Variants in RABL6 observed in about 807,000 individuals in gnomAD.
RABL6 encodes rab-like protein 6.
In RABL6, 28 loss-of-function variants were observed where a neutral mutation model predicts 72.9. That is an observed-to-expected ratio of 0.38 (90% CI 0.28 to 0.53). The LOEUF (loss-of-function observed/expected upper bound fraction) is 0.53. RABL6 is among the 20% of genes least tolerant of loss of function. The pLI, the probability that RABL6 is intolerant of heterozygous loss-of-function variation, is 0.80. For synonymous variants in RABL6, 477 were observed against 421.2 expected, an observed-to-expected ratio of 1.13 and a Z score of -1.62; for missense variants, 1,029 against 1,008.4, an observed-to-expected ratio of 1.02 and a Z score of -0.28.
chr9:136,821,245 G>A, intron 1 of RABL6: 1 of 861,580 alleles, frequency 1.2e-6, no homozygotes, highest in South Asian at 5.3e-5. Flanking sequence ...CGGGGACCAA[G>A]GGACGTCAGC....
At chr9:136,813,214 C>T in intron 1 of RABL6, 1 of 520,836 alleles carries the variant, frequency 1.9e-6, no homozygotes, top group South Asian at 1.7e-5. Context: ...TTGCCCTGCC[C>T]CCAGTTTCCC....
In RABL6 at chr9:136,840,598, A is replaced by C; in HGVS notation, c.*76A>C. ...CTGGGGAGGCATTTGCCTCTGTACC[A>C]TCGCCTTTGCCGCTGCCCCGTGGCT... On this transcript the variant is annotated 3_prime_UTR_variant, in exon 15 of 15. Transcript: ENST00000311502. 3 of 1,549,502 alleles carry C rather than the reference A, an allele frequency of 1.9e-6. No homozygotes were observed. The highest frequency in any genetic ancestry group is 2.6e-6 in the Non-Finnish European group (3 of 1,146,828).
At chr9:136,821,916 G>T in intron 1 of RABL6, 1 of 1,285,806 alleles carries the variant, frequency 7.8e-7, no homozygotes, top group Non-Finnish European at 1.0e-6. Flanking sequence ...GAGGGCGCCT[G>T]GGTCCCCTCT....
At chr9:136,822,330 G>C (rs929020998) in intron 1 of RABL6, among the ~76,000 whole-genome samples, 3 of 152,102 alleles carry the variant, frequency 2.0e-5, no homozygotes, top group Non-Finnish European at 4.4e-5. Context: ...CCACCAACCC[G>C]GCTCCCTTCC....
At chr9:136,839,160 CG>C (rs1460902298) in intron 11 of RABL6, 39 bp downstream of exon 11, 2 of 1,605,588 alleles carry the variant, frequency 1.2e-6, no homozygotes, top group African/African-American at 2.7e-5. Context: ...CCTGGAGACC[CG>C]GGTGGGGCAG....
Position 136,831,808 on chromosome 9 carries a change from G to A in RABL6, c.546G>A (p.Glu182=). ...CVLGNYRDMG[E]HRVILPDDVR... ...TGGGAAACTACCGGGACATGGGCGA[G>A]CACCGAGTCATCCTGCCGGACGACG... The change falls in exon 6 of 15, where the codon GAG becomes GAA. Residue 182 remains glutamate (E), a synonymous_variant. Transcript: ENST00000311502. The A allele has an allele frequency of 6.2e-7, 1 of 1,613,214 alleles. No homozygotes were observed. The highest frequency in any genetic ancestry group is 8.5e-7 in the Non-Finnish European group (1 of 1,179,778).
chr9:136,819,430 A>C (rs1848194422), intron 1 of RABL6, among the ~76,000 whole-genome samples: 1 of 152,236 alleles, frequency 6.6e-6, no homozygotes, highest in African/African-American at 2.4e-5. Context: ...AAATCATAAA[A>C]TAACATGGCA....
intron 2 of RABL6, 65 bp downstream of exon 2, chr9:136,823,724 T>C: frequency 2.7e-6 from 4 of 1,501,206 alleles, no homozygotes; most frequent in Non-Finnish European, 3.6e-6. Flanking sequence ...CCCTGGTTCC[T>C]GGGAGATGCA....
At chr9:136,818,375 A>C (rs1261973716) in intron 1 of RABL6, among the ~76,000 whole-genome samples, 851 of 21,134 alleles carry the variant, frequency 0.04, 90 homozygotes, top group East Asian at 0.27. Context: ...AAAAAAAAAA[A>C]AAAAAAAAAA....
rs1014396997 is a variant in RABL6 at position 136,833,937 on chromosome 9, T to G, written c.705+1567T>G. On this transcript the variant is annotated intron_variant, in intron 7 of 14. Coordinates refer to ENST00000311502, the MANE Select transcript of RABL6 (RefSeq NM_024718.5). ...GATTACTCCTTAGAGAGCTCCCCAC[T>G]GCTCAGCTGCTCCATTCCCTAATGG... 9.0e-6 allele frequency: 14 copies of G among 1,548,108 alleles called. No individual in the cohort carries two copies. The African/African-American group carries it at 1.9e-4, about 21-fold the overall frequency.
At chr9:136,821,981 G>C in intron 1 of RABL6, 1 of 1,289,632 alleles carries the variant, frequency 7.8e-7, no homozygotes, top group South Asian at 1.2e-5. Context: ...GGCGTTGAAA[G>C]TTGGCGCGTT....
Position 136,835,844 on chromosome 9 carries a change from A to G in RABL6, c.808A>G (p.Ile270Val), listed in dbSNP as rs1362860798. The G allele has an allele frequency of 6.4e-7, 1 of 1,552,708 alleles. No individual in the cohort carries two copies. Among genetic ancestry groups the G allele is most frequent in the Non-Finnish European group, 8.7e-7 (1 of 1,149,200 alleles). Reference protein sequence around the residue: ...QQETEDQNYGIFLEMMEARSR... With the variant: ...QQETEDQNYGVFLEMMEARSR... ...GGAGACGGAGGACCAGAACTACGGC[A>G]TGTATGTGGCCGGACCCGCCCGTGC... Residue 270 changes from isoleucine (I) to valine (V), a missense_variant and splice_region_variant, in exon 8 of 15, where the codon ATC (isoleucine) becomes GTC (valine). Transcript: ENST00000311502.
chr9:136,809,043 G>A (rs1204128022), intron 1 of RABL6: 1 of 152,136 alleles, frequency 6.6e-6, no homozygotes, highest in Admixed American at 6.5e-5. Flanking sequence ...CCATCTTGCG[G>A]GCTCTTTCCC....
intron 3 of RABL6, chr9:136,828,284 G>C: frequency 3.5e-6 from 2 of 571,004 alleles, no homozygotes; most frequent in Non-Finnish European, 6.3e-6. Context: ...TCCAGGCCCG[G>C]CCCAGCCCTG....
chr9:136,825,171 T>A (rs1392256359), intron 2 of RABL6, among the ~76,000 whole-genome samples: 1 of 152,220 alleles, frequency 6.6e-6, no homozygotes, highest in African/African-American at 2.4e-5. Context: ...GCCTCTCAGG[T>A]GGCTCCGAAG....
chr9:136,819,924 A>C (rs1303891521), intron 1 of RABL6, among the ~76,000 whole-genome samples: 1 of 151,996 alleles, frequency 6.6e-6, no homozygotes, highest in Non-Finnish European at 1.5e-5. Context: ...AAAACTAGGC[A>C]TGGGGTGGTG....
chr9:136,823,417 G>C, intron 1 of RABL6, 108 bp from the exon 2 acceptor site: 2 of 1,426,542 alleles, frequency 1.4e-6, no homozygotes, highest in Admixed American at 2.0e-5. Context: ...TAGCAAGAAA[G>C]ATGAAACAGG....
chr9:136,825,627 C>G (rs1433341534), intron 2 of RABL6, among the ~76,000 whole-genome samples, 152 bp from the exon 3 acceptor site: 1 of 152,158 alleles, frequency 6.6e-6, no homozygotes, highest in African/African-American at 2.4e-5. Flanking sequence ...ATGTGGTCGT[C>G]TGGGGAGGAC....
chr9:136,809,162 T>G (rs997707077), intron 1 of RABL6: 1 of 152,538 alleles, frequency 6.6e-6, no homozygotes, highest in Non-Finnish European at 1.5e-5. Flanking sequence ...ATCCAGTTTT[T>G]TGGTCACTTT....
Sources: allele counts gnomAD v4.1 joint callset (sites outside exome capture counted in the v4.1 genomes callset), GRCh38; gene constraint gnomAD v4.1.1; transcripts MANE v1.5; gene names NCBI Gene and HGNC (gene_info 2026-07-23, HGNC 2026-07-21).